The following EBF2 variants were observed in gnomAD, a reference collection of about 807,000 sequenced individuals.
EBF2 encodes the protein transcription factor COE2.
In EBF2, 21 loss-of-function variants were observed where a neutral mutation model predicts 72.8. The ratio of observed to expected loss-of-function variants is 0.29; its 90% CI spans 0.20 to 0.42. EBF2 has a LOEUF of 0.42. Among genes scored for constraint, EBF2 ranks in the 10% least tolerant of loss-of-function variants. The pLI is 1.00. For synonymous variants in EBF2, 299 were observed against 274.2 expected, an observed-to-expected ratio of 1.09 and a Z score of -0.89; for missense variants, 637 against 731.2, an observed-to-expected ratio of 0.87 and a Z score of 1.49.
rs563811617 is a variant in EBF2 at position 25,942,585 on chromosome 8, C to G, written c.552-34030G>C. ...CTGGGGCAGAGTCTAACCCCAGCCCCCTCCTCAGGCGGCTTTAGAGTGACA... is the reference window on the plus strand; with the variant it reads ...CTGGGGCAGAGTCTAACCCCAGCCCGCTCCTCAGGCGGCTTTAGAGTGACA... On this transcript the variant is annotated intron_variant, in intron 6 of 15. Coordinates refer to ENST00000520164, the MANE Select transcript of EBF2 (RefSeq NM_022659.4). 2.0e-5 allele frequency among the ~76,000 whole-genome samples: 3 copies of G among 152,326 alleles called. No homozygotes were observed. The South Asian group carries it at 6.2e-4, about 32-fold the overall frequency.
At chr8:25,862,333 T>A (rs1307411613) in intron 11 of EBF2, among the ~76,000 whole-genome samples, 1 of 152,198 alleles carries the variant, frequency 6.6e-6, no homozygotes, top group Admixed American at 6.5e-5. Flanking sequence ...AGGCCCTCAA[T>A]AATTAATACT....
rs138847789 is a variant in EBF2 at position 25,849,700 on chromosome 8, C to T, written c.1696+894G>A. On this transcript the variant is annotated intron_variant, in intron 15 of 15. Transcript: ENST00000520164. ...GAGATGATTTTTCATATACTCATCA[C>T]ATTTGTGTTATGTCATGCCATATTA... 8.1e-4 allele frequency among the ~76,000 whole-genome samples: 124 copies of T among 152,218 alleles called. 2 individuals carry two copies. Among genetic ancestry groups the T allele is most frequent in the African/African-American group, 2.9e-3 (119 of 41,514 alleles).
At position 25,929,658 on chromosome 8, in the gene EBF2, T is replaced by C. The variant is rs577549169; in HGVS notation, c.552-21103A>G. Among the ~76,000 whole-genome samples the C allele has an allele frequency of 2.0e-3, 300 of 152,302 alleles. 4 individuals carry two copies. The highest frequency in any genetic ancestry group is 8.5e-4 in the Non-Finnish European group (58 of 68,026). ...AGAGCACACACAAATGCTATCTCCC[T>C]TGTAAGTCAGGATCCTTTGGTCCAC... On this transcript the variant is annotated intron_variant, in intron 6 of 15. Transcript: ENST00000520164.
intron 6 of EBF2, among the ~76,000 whole-genome samples, chr8:25,930,240 A>G (rs1166547275): frequency 6.6e-6 from 1 of 152,110 alleles, no homozygotes; most frequent in African/African-American, 2.4e-5. Flanking sequence ...CTAAATGAGG[A>G]CACTTGAGGA....
At position 25,869,182 on chromosome 8, in the gene EBF2, G is replaced by A. The variant is rs189910202; in HGVS notation, c.1010-6385C>T. Among the ~76,000 whole-genome samples the A allele has an allele frequency of 2.3e-4, 35 of 152,266 alleles. 1 individual carries two copies. In the East Asian group the frequency reaches 6.6e-3, roughly 29 times the overall value. ...TCAATAAGAATAAGAGTTAAATTCTGTCTGGGCCACTGAAATAAGAGAGTA... is the reference window on the plus strand; with the variant it reads ...TCAATAAGAATAAGAGTTAAATTCTATCTGGGCCACTGAAATAAGAGAGTA... On this transcript the variant is annotated intron_variant, in intron 10 of 15. Transcript: ENST00000520164.
intron 10 of EBF2, among the ~76,000 whole-genome samples, chr8:25,866,376 T>C (rs555671598): frequency 6.7e-6 from 1 of 149,124 alleles, no homozygotes; most frequent in Admixed American, 6.7e-5. Flanking sequence ...TCAGGACTTC[T>C]TGGAGTTTTA....
At chr8:25,977,854 C>T (rs752232483) in intron 6 of EBF2, among the ~76,000 whole-genome samples, 3 of 152,110 alleles carry the variant, frequency 2.0e-5, no homozygotes, top group Non-Finnish European at 2.9e-5. Context: ...AACATGAGTA[C>T]CTGAGGGAAG....
chr8:26,016,512 A>G lies in EBF2; in HGVS notation c.551+16573T>C, dbSNP rs140412881. ...CAATGGTTACATTAGACAATACTCCAACTCAGCAATCCAATTTCAAAGTGC... is the reference window on the plus strand; with the variant it reads ...CAATGGTTACATTAGACAATACTCCGACTCAGCAATCCAATTTCAAAGTGC... On this transcript the variant is annotated intron_variant, in intron 6 of 15. Transcript: ENST00000520164. Among the ~76,000 whole-genome samples the G allele has an allele frequency of 1.1e-3, 175 of 152,306 alleles. 1 individual carries two copies. Among genetic ancestry groups the G allele is most frequent in the African/African-American group, 4.1e-3 (170 of 41,562 alleles).
chr8:26,025,763 C>T (rs556021666), intron 6 of EBF2, among the ~76,000 whole-genome samples: 2 of 152,098 alleles, frequency 1.3e-5, no homozygotes, highest in East Asian at 3.9e-4. Flanking sequence ...AAAGGTTTTG[C>T]TAGGAAACAA....
rs139547738 is a variant in EBF2 at position 25,921,356 on chromosome 8, T to C, written c.552-12801A>G. ...AAAGAAGAACTAAACCTAGATGATA[T>C]AAAAGAGAAACTGGGACAAAAATCA... On this transcript the variant is annotated intron_variant, in intron 6 of 15. Transcript: ENST00000520164. Among the ~76,000 whole-genome samples the C allele has an allele frequency of 2.0e-4, 31 of 152,266 alleles. No individual in the cohort carries two copies. The East Asian group carries it at 4.8e-3, about 24-fold the overall frequency.
chr8:25,951,228 T>C (rs1803855860), intron 6 of EBF2, among the ~76,000 whole-genome samples: 1 of 152,174 alleles, frequency 6.6e-6, no homozygotes, highest in African/African-American at 2.4e-5. Flanking sequence ...TTTGCAAATT[T>C]AGTACTCATA....
rs563342428 is a variant in EBF2 at position 25,898,835 on chromosome 8, A to G, written c.634-8966T>C. On this transcript the variant is annotated intron_variant, in intron 7 of 15. Transcript: ENST00000520164. ...CTGAGGAACTATGCACTCTTATTGC[A>G]GGACTAAGAACACTTTGCTTTCCAG... Among the ~76,000 whole-genome samples the G allele has an allele frequency of 2.0e-5, 3 of 152,330 alleles. No individual in the cohort carries two copies. In the South Asian group the frequency reaches 6.2e-4, roughly 32 times the overall value.
At chr8:25,877,980 C>T (rs1563385885) in intron 10 of EBF2, among the ~76,000 whole-genome samples, 1 of 152,112 alleles carries the variant, frequency 6.6e-6, no homozygotes, top group Non-Finnish European at 1.5e-5. Flanking sequence ...TTATGATCAG[C>T]CAAATTAGGG....
chr8:25,914,213 C>A (rs1389654540), intron 6 of EBF2, among the ~76,000 whole-genome samples: 4 of 152,234 alleles, frequency 2.6e-5, no homozygotes, highest in East Asian at 3.9e-4. Flanking sequence ...AGAAAACTCG[C>A]AAGTGATTGC....
At chr8:25,870,409 C>T (rs1353176094) in intron 10 of EBF2, among the ~76,000 whole-genome samples, 1 of 152,192 alleles carries the variant, frequency 6.6e-6, no homozygotes, top group Non-Finnish European at 1.5e-5. Flanking sequence ...GACTCCATTT[C>T]TGCCTTTGTC....
intron 6 of EBF2, among the ~76,000 whole-genome samples, chr8:25,910,576 T>C (rs937618289): frequency 6.6e-6 from 1 of 152,144 alleles, no homozygotes; most frequent in Admixed American, 6.5e-5. Context: ...AATGGTGTGG[T>C]AGGTGGAAAA....
At chr8:25,915,502 G>T (rs73677427) in intron 6 of EBF2, among the ~76,000 whole-genome samples, 1 of 150,914 alleles carries the variant, frequency 6.6e-6, no homozygotes. Flanking sequence ...TTTAGAGGAC[G>T]CAAAGGAAAA....
intron 6 of EBF2, among the ~76,000 whole-genome samples, chr8:25,929,873 A>T (rs1480125268): frequency 6.6e-6 from 1 of 152,064 alleles, no homozygotes; most frequent in Non-Finnish European, 1.5e-5. Context: ...CACACAAGAG[A>T]GGGGGAAAAA....
chr8:25,929,856 A>G (rs1425424628), intron 6 of EBF2, among the ~76,000 whole-genome samples: 1 of 152,156 alleles, frequency 6.6e-6, no homozygotes, highest in Non-Finnish European at 1.5e-5. Context: ...GAAAGGGCTA[A>G]GGTTTACACA....
Sources: gnomAD v4.1 joint callset for allele counts (sites outside exome capture counted in the v4.1 genomes callset) on GRCh38, gnomAD v4.1.1 for gene constraint, MANE v1.5 for transcripts, NCBI Gene and HGNC (gene_info 2026-07-23, HGNC 2026-07-21) for gene names.